Variants in R3HDM2 observed in about 807,000 individuals in gnomAD.
R3HDM2 encodes the protein R3H domain containing 2.
A neutral mutation model predicts 124.5 loss-of-function variants in R3HDM2; 38 were observed. That is an observed-to-expected ratio of 0.31 (90% CI 0.24 to 0.40). R3HDM2 has a LOEUF of 0.40. Ranked by LOEUF, R3HDM2 falls within the 10% of genes least tolerant of loss-of-function variation. R3HDM2 has a pLI of 1.00. For synonymous variants in R3HDM2, 391 were observed against 448.0 expected, an observed-to-expected ratio of 0.87 and a Z score of 1.61; for missense variants, 869 against 1,236.9, an observed-to-expected ratio of 0.70 and a Z score of 4.46.
intron 21 of R3HDM2, among the ~76,000 whole-genome samples, chr12:57,257,286 A>G (rs1180359490): frequency 6.6e-6 from 1 of 151,992 alleles, no homozygotes; most frequent in Non-Finnish European, 1.5e-5. Context: ...AACGTTGGGT[A>G]TTTTTTTCCC....
At chr12:57,360,036 T>TATATATATATAC (rs1555287265) in intron 2 of R3HDM2, among the ~76,000 whole-genome samples, 15 of 78,350 alleles carry the variant, frequency 1.9e-4, no homozygotes, top group East Asian at 3.1e-4. Context: ...CACATATATA[T>TATATATATATAC]ATATATATAT....
intron 2 of R3HDM2, among the ~76,000 whole-genome samples, chr12:57,321,480 G>A (rs1332817488): frequency 6.6e-6 from 1 of 151,748 alleles, no homozygotes; most frequent in African/African-American, 2.4e-5. Context: ...GTGAAACCCC[G>A]TCTCTACTAA....
At chr12:57,268,225 G>A in intron 18 of R3HDM2, 78 bp downstream of exon 18, 1 of 1,516,844 alleles carries the variant, frequency 6.6e-7, no homozygotes, top group South Asian at 1.3e-5. Context: ...TCTTAGGCCA[G>A]TGGAAACAAA....
At chr12:57,342,950 C>T (rs12828339) in intron 2 of R3HDM2, among the ~76,000 whole-genome samples, 2,245 of 152,032 alleles carry the variant, frequency 0.015, 24 homozygotes, top group Middle Eastern at 0.054. Context: ...TTATTTGCCC[C>T]CAAAGGAAGG....
chr12:57,413,428 TAA>T (rs748462019), intron 1 of R3HDM2, among the ~76,000 whole-genome samples: 22 of 106,478 alleles, frequency 2.1e-4, no homozygotes, highest in Admixed American at 3.0e-4. Context: ...ACCTTCTATT[TAA>T]AAAAAAAAAA....
intron 2 of R3HDM2, among the ~76,000 whole-genome samples, chr12:57,392,273 C>A (rs1348148365): frequency 2.6e-5 from 4 of 152,174 alleles, no homozygotes; most frequent in Non-Finnish European, 4.4e-5. Context: ...CTTTTTGGCA[C>A]CAAGGACCAG....
chr12:57,327,675 G>A (rs1000226320), intron 2 of R3HDM2, among the ~76,000 whole-genome samples: 2 of 152,130 alleles, frequency 1.3e-5, no homozygotes, highest in African/African-American at 4.8e-5. Flanking sequence ...CCTTGCAGAA[G>A]ACTTTGAGGG....
At chr12:57,326,917 T>C (rs1236436582) in intron 2 of R3HDM2, among the ~76,000 whole-genome samples, 1 of 152,026 alleles carries the variant, frequency 6.6e-6, no homozygotes. Context: ...CAAAGAAACC[T>C]GGATGACAGC....
At chr12:57,310,933 A>T (rs894449962) in intron 2 of R3HDM2, among the ~76,000 whole-genome samples, 3 of 152,162 alleles carry the variant, frequency 2.0e-5, no homozygotes, top group Non-Finnish European at 4.4e-5. Context: ...ATTCACCAGG[A>T]TTCAGTTCTA....
At chr12:57,390,688 T>C (rs1594361517) in intron 2 of R3HDM2, among the ~76,000 whole-genome samples, 1 of 149,962 alleles carries the variant, frequency 6.7e-6, no homozygotes, top group East Asian at 2.0e-4. Flanking sequence ...CAGAGTGAAA[T>C]CCGTCTCAAA....
Position 57,292,576 on chromosome 12 carries a change from C to T in R3HDM2, c.902G>A (p.Arg301Gln), listed in dbSNP as rs1323171289. The change falls in exon 11 of 24, where the codon CGA becomes CAA. Residue 301 changes from arginine (R) to glutamine (Q), a missense_variant. Physicochemically the swap from Arg to Gln is conservative, Grantham distance 43 (BLOSUM62 1). Transcript: ENST00000402412. ...YQRVRERIFA[R>Q]ETGQNGYLND... Reference sequence around the variant, plus strand: ...ACTCTCAGATGCTACACTTACCTCTCGGGCAAATATTCTCTCTCGGACCCT... The same window carrying T: ...ACTCTCAGATGCTACACTTACCTCTTGGGCAAATATTCTCTCTCGGACCCT... The T allele has an allele frequency of 5.2e-6, 8 of 1,548,288 alleles. No homozygotes were observed. The highest frequency in any genetic ancestry group is 2.4e-5 in the East Asian group (1 of 40,918).
chr12:57,421,165 T>C (rs2070149313), intron 1 of R3HDM2, among the ~76,000 whole-genome samples: 1 of 148,938 alleles, frequency 6.7e-6, no homozygotes, highest in Non-Finnish European at 1.5e-5. Context: ...CAGATTCTTT[T>C]TTTTTTTTTT....
In R3HDM2 at chr12:57,296,223, G is replaced by C. The variant is rs939769946; in HGVS notation, c.701+188C>G. ...AATAGAGATGGGATCTTGCTGTGTT[G>C]ACCAGGCTGGTCTCGAACTCCTGGC... On this transcript the variant is annotated intron_variant, in intron 9 of 23. Transcript: ENST00000402412. This position sits in a 1 kb window ranked among gnomAD's most constrained non-coding sequence, Gnocchi z 4.5. 6.7e-6 allele frequency among the ~76,000 whole-genome samples: 1 copy of C among 148,954 alleles called. No individual in the cohort carries two copies. The highest frequency in any genetic ancestry group is 2.1e-4 in the South Asian group (1 of 4,670).
At chr12:57,425,202 G>A (rs2070616787) in intron 1 of R3HDM2, among the ~76,000 whole-genome samples, 1 of 151,968 alleles carries the variant, frequency 6.6e-6, no homozygotes, top group Admixed American at 6.6e-5. Context: ...AACCCAGGAG[G>A]TGGAAGTTGC....
At chr12:57,404,064 ATTT>A (rs767234283) in intron 1 of R3HDM2, among the ~76,000 whole-genome samples, 1 of 77,016 alleles carries the variant, frequency 1.3e-5, no homozygotes. Context: ...TCCACTCCTA[ATTT>A]TTTTTTTTTT....
At position 57,258,115 on chromosome 12, in the gene R3HDM2, C is replaced by T. The variant is rs764191637; in HGVS notation, c.2324G>A (p.Ser775Asn). 1 of 1,572,446 alleles carries T rather than the reference C, an allele frequency of 6.4e-7. No homozygotes were observed. Among genetic ancestry groups the T allele is most frequent in the South Asian group, 1.2e-5 (1 of 85,228 alleles). Residue 775 changes from serine to asparagine, a missense_variant, in exon 21 of 24, where the codon AGC becomes AAC. This residue lies in a region of R3HDM2 where 602 missense variants were observed against 789.2 expected (regional missense o/e 0.76). Coordinates refer to ENST00000402412, the MANE Select transcript of R3HDM2 (RefSeq NM_001394031.1). ...AGACTGGGTAGGAGATGTGACAGGG[C>T]TGCTGCTCATTTGTGTGTTGGCCTG... Reference protein sequence around the residue: ...SPQANTQMSSSPVTSPTQSPA... With the variant: ...SPQANTQMSSNPVTSPTQSPA...
At chr12:57,276,481 G>A (rs575354742) in intron 14 of R3HDM2, among the ~76,000 whole-genome samples, 76 of 152,354 alleles carry the variant, frequency 5.0e-4, no homozygotes, top group African/African-American at 1.8e-3. Flanking sequence ...GCAGTGACCT[G>A]GATGAGATTG....
intron 2 of R3HDM2, among the ~76,000 whole-genome samples, chr12:57,343,479 G>T (rs555741359): frequency 6.6e-6 from 1 of 151,916 alleles, no homozygotes; most frequent in Non-Finnish European, 1.5e-5. Context: ...GTGAGCCACC[G>T]AGCCTAGCCT....
At chr12:57,287,663 A>T (rs1476419349) in intron 12 of R3HDM2, among the ~76,000 whole-genome samples, 1 of 152,348 alleles carries the variant, frequency 6.6e-6, no homozygotes, top group East Asian at 1.9e-4. Context: ...TGTAGTAGTC[A>T]ATAAGAGAGA....
Sources: allele counts gnomAD v4.1 joint callset (sites outside exome capture counted in the v4.1 genomes callset), GRCh38; gene constraint gnomAD v4.1.1; regional missense constraint gnomAD v4.1.1; non-coding constraint Gnocchi (gnomAD v3.1); transcripts MANE v1.5; gene names NCBI Gene and HGNC (gene_info 2026-07-23, HGNC 2026-07-21).